The following ISM1 variants were observed in gnomAD, a reference collection of about 807,000 sequenced individuals.
ISM1 encodes isthmin 1.
ISM1 carries 25 observed loss-of-function variants against 46.3 expected under a neutral mutation model. The observed-to-expected ratio is 0.54, with a 90% CI of 0.39 to 0.75. The LOEUF is 0.75. Ranked by LOEUF, ISM1 falls within the 30% of genes least tolerant of loss-of-function variation. The pLI is 0.00. For synonymous variants in ISM1, 255 were observed against 256.7 expected (o/e 0.99, Z 0.06); for missense variants, 536 against 625.4 (o/e 0.86, Z 1.52).
intron 1 of ISM1, among the ~76,000 whole-genome samples, chr20:13,243,558 CCTCTAGGTCT>C (rs1333708591): frequency 6.6e-6 from 1 of 152,126 alleles, no homozygotes; most frequent in African/African-American, 2.4e-5. Flanking sequence ...TCCTGCTTGA[CCTCTAGGTCT>C]CTCTTATTAT....
chr20:13,282,267 G>A (rs191743152), intron 3 of ISM1, among the ~76,000 whole-genome samples: 17 of 152,214 alleles, frequency 1.1e-4, no homozygotes, highest in African/African-American at 3.6e-4. Context: ...TGTTCAGCCC[G>A]GGTTGAAGGC....
chr20:13,221,576 G>A lies in ISM1; in HGVS notation c.-201G>A, dbSNP rs1180123808. Among the ~76,000 whole-genome samples the A allele has an allele frequency of 2.1e-5, 3 of 144,848 alleles. 1 individual carries two copies. The highest frequency in any genetic ancestry group is 3.1e-5 in the Non-Finnish European group (2 of 65,308). On this transcript the variant is annotated 5_prime_UTR_variant, in exon 1 of 6. Coordinates refer to ENST00000262487, the MANE Select transcript of ISM1 (RefSeq NM_080826.2). The stretch of plus-strand genomic sequence containing the variant: ...GTGCGGCGGCGGCGGCGGCGGCGGC[G>A]CCGGCAGCTCCTGCTCCCCCGGCCC...
At chr20:13,322,713 C>T in the ISM1 span, among the ~76,000 whole-genome samples, 1 of 152,184 alleles carries the variant, frequency 6.6e-6, no homozygotes, top group East Asian at 1.9e-4. Context: ...GCTTAGATTA[C>T]TTCCTAAAGG....
In ISM1 at chr20:13,299,516, C is replaced by A; in HGVS notation, c.*57C>A. 6.7e-7 allele frequency: 1 copy of A among 1,496,456 alleles called. No individual in the cohort carries two copies. The highest frequency in any genetic ancestry group is 9.0e-7 in the Non-Finnish European group (1 of 1,111,392). 92.7% of individuals were successfully genotyped at this position (1,496,456 alleles called of 1,614,324 possible). A position where few individuals can be genotyped will look rare whatever the true frequency, so the allele number is the denominator to read the frequency against. On this transcript the variant is annotated 3_prime_UTR_variant, in exon 6 of 6. Coordinates refer to ENST00000262487, the MANE Select transcript of ISM1 (RefSeq NM_080826.2). The surrounding 1 kb of genome is among the most constrained non-coding windows in gnomAD (Gnocchi z 5.8). ...CTGGTTCTGGAGCACACACGTGCTGCACTGACGTGCCGACTGGCGCCGAGA... is the reference window on the plus strand; with the variant it reads ...CTGGTTCTGGAGCACACACGTGCTGAACTGACGTGCCGACTGGCGCCGAGA...
At chr20:13,305,833 C>CT in the ISM1 span, among the ~76,000 whole-genome samples, 1 of 152,112 alleles carries the variant, frequency 6.6e-6, no homozygotes, top group South Asian at 2.1e-4. Context: ...AAATGCATAC[C>CT]TTTTTTCTTT....
chr20:13,242,719 G>A (rs570691993), intron 1 of ISM1, among the ~76,000 whole-genome samples: 46 of 152,250 alleles, frequency 3.0e-4, no homozygotes, highest in African/African-American at 1.1e-3. Context: ...ATTAAGGTTG[G>A]TATAAAAGCA....
chr20:13,324,685 C>T, the ISM1 span, among the ~76,000 whole-genome samples: 36 of 152,276 alleles, frequency 2.4e-4, no homozygotes, highest in South Asian at 7.3e-3. Context: ...GTCTTCACAC[C>T]GCTTTCAATT....
chr20:13,252,055 T>C (rs924227059), intron 1 of ISM1, among the ~76,000 whole-genome samples: 23 of 152,162 alleles, frequency 1.5e-4, no homozygotes, highest in Admixed American at 9.8e-4. Flanking sequence ...AGTTGGGGGC[T>C]GTGAGATTTA....
chr20:13,243,527 C>A (rs1032107319), intron 1 of ISM1, among the ~76,000 whole-genome samples: 2 of 152,152 alleles, frequency 1.3e-5, no homozygotes, highest in African/African-American at 4.8e-5. Context: ...TTAGGGCTGT[C>A]CTCTTAGCTG....
intron 1 of ISM1, among the ~76,000 whole-genome samples, chr20:13,245,787 C>G (rs2039785499): frequency 6.6e-6 from 1 of 152,234 alleles, no homozygotes; most frequent in South Asian, 2.1e-4. Context: ...AACTTCCAAT[C>G]ATTCCCCTTT....
intron 1 of ISM1, among the ~76,000 whole-genome samples, chr20:13,249,270 C>T (rs2039838439): frequency 6.6e-6 from 1 of 152,352 alleles, no homozygotes; most frequent in Non-Finnish European, 1.5e-5. Flanking sequence ...AGCTGCGAGC[C>T]TGCCCATTTC....
chr20:13,318,832 T>C, the ISM1 span, among the ~76,000 whole-genome samples: 1 of 152,062 alleles, frequency 6.6e-6, no homozygotes, highest in East Asian at 1.9e-4. Flanking sequence ...GGCAAAACTA[T>C]GAAGACAGGA....
intron 1 of ISM1, among the ~76,000 whole-genome samples, chr20:13,223,188 A>AAAAT (rs202233129): frequency 0.1 from 14,934 of 147,148 alleles, 968 homozygotes; most frequent in East Asian, 0.26. Flanking sequence ...AAAATAAAAT[A>AAAAT]AAATAAATAA....
At chr20:13,224,236 G>T (rs1333740789) in intron 1 of ISM1, among the ~76,000 whole-genome samples, 1 of 152,096 alleles carries the variant, frequency 6.6e-6, no homozygotes, top group Non-Finnish European at 1.5e-5. Flanking sequence ...TCATAATTTT[G>T]CTGTTTTGTA....
At position 13,250,581 on chromosome 20, in the gene ISM1, G is replaced by C. The variant is rs138575439; in HGVS notation, c.139-19923G>C. 6.6e-5 allele frequency among the ~76,000 whole-genome samples: 10 copies of C among 152,224 alleles called. No homozygotes were observed. In the East Asian group the frequency reaches 1.7e-3, roughly 27 times the overall value. On this transcript the variant is annotated intron_variant, in intron 1 of 5. Coordinates refer to ENST00000262487, the MANE Select transcript of ISM1 (RefSeq NM_080826.2). Reference sequence around the variant, plus strand: ...GATCTTTTTAAGGTCCTGGTGCCTGGACCCTTCCCCAGACTCCCTGTCTGA... The same window carrying C: ...GATCTTTTTAAGGTCCTGGTGCCTGCACCCTTCCCCAGACTCCCTGTCTGA...
chr20:13,289,504 A>G (rs955786322), intron 4 of ISM1, among the ~76,000 whole-genome samples: 2 of 152,222 alleles, frequency 1.3e-5, no homozygotes, highest in African/African-American at 4.8e-5. Flanking sequence ...AGAGTCAACA[A>G]TAATTGTGAT....
At chr20:13,232,296 G>A (rs761679616) in intron 1 of ISM1, among the ~76,000 whole-genome samples, 2 of 152,172 alleles carry the variant, frequency 1.3e-5, no homozygotes, top group African/African-American at 2.4e-5. Context: ...AAGTTTCCTT[G>A]TGCTCCTCTG....
chr20:13,290,862 C>G (rs1452833456), intron 4 of ISM1, among the ~76,000 whole-genome samples: 2 of 152,158 alleles, frequency 1.3e-5, no homozygotes, highest in Non-Finnish European at 2.9e-5. Flanking sequence ...GTAACTGAGG[C>G]ATAGAGGATT....
chr20:13,302,981 G>A (rs987681602), downstream of ISM1, among the ~76,000 whole-genome samples: 1 of 152,124 alleles, frequency 6.6e-6, no homozygotes, highest in Non-Finnish European at 1.5e-5. Context: ...TTAACGCCGG[G>A]GATTAAAGAA....
Sources: allele counts gnomAD v4.1 joint callset (sites outside exome capture counted in the v4.1 genomes callset), GRCh38; gene constraint gnomAD v4.1.1; non-coding constraint Gnocchi (gnomAD v3.1); transcripts MANE v1.5; gene names NCBI Gene and HGNC (gene_info 2026-07-23, HGNC 2026-07-21).